The following KNL1 variants were observed in gnomAD, a reference collection of about 807,000 sequenced individuals.
The protein encoded by KNL1 is kinetochore scaffold 1.
In KNL1, 66 loss-of-function variants were observed where a neutral mutation model predicts 201.3. The ratio of observed to expected loss-of-function variants is 0.33; its 90% CI spans 0.27 to 0.40. The LOEUF is 0.40. Among genes scored for constraint, KNL1 ranks in the 10% least tolerant of loss-of-function variants. KNL1 has a pLI of 1.00. For missense variants in KNL1, 2,815 were observed against 2,690.5 expected, an observed-to-expected ratio of 1.05 and a Z score of -1.02; for synonymous variants, 895 against 899.2, an observed-to-expected ratio of 1.00 and a Z score of 0.08.
chr15:40,658,536 AAAAAAAAAAAG>A (rs1433111525), intron 24 of KNL1, among the ~76,000 whole-genome samples: 55 of 115,846 alleles, frequency 4.7e-4, no homozygotes, highest in Non-Finnish European at 8.3e-4. Flanking sequence ...TCAAAAAAAA[AAAAAAAAAAAG>A]AGAGAATCTG....
chr15:40,650,134 A>G (rs1460946233), intron 17 of KNL1, 167 bp from the exon 18 acceptor site: 10 of 521,288 alleles, frequency 1.9e-5, no homozygotes, highest in Admixed American at 1.8e-4. Context: ...AGAAAAAAAA[A>G]AAAAAATAGA....
intron 3 of KNL1, 126 bp downstream of exon 3, chr15:40,605,275 G>A: frequency 3.4e-6 from 2 of 588,414 alleles, no homozygotes; most frequent in Non-Finnish European, 6.2e-6. Flanking sequence ...TCTAGATAAA[G>A]ACTCAAATAT....
Position 40,622,588 on chromosome 15 carries a change from G to A in KNL1, c.2324G>A (p.Gly775Asp). 1 of 1,611,050 alleles carries A rather than the reference G, an allele frequency of 6.2e-7. No homozygotes were observed. Among genetic ancestry groups the A allele is most frequent in the South Asian group, 1.1e-5 (1 of 90,656 alleles). ...TKSHTVVIGF[G>D]PSELQELGKT... ...AGCCACACTGTCGTCATTGGATTTG[G>A]TCCTTCTGAACTACAAGAACTTGGT... Residue 775 changes from glycine to aspartate, a missense_variant, in exon 10 of 26, where the codon GGT becomes GAT. Around this residue, in one of 3 missense-constraint regions of KNL1, gnomAD observed 2,464 missense variants for 2,291.7 expected, o/e 1.08. Coordinates refer to ENST00000399668, the MANE Select transcript of KNL1 (RefSeq NM_144508.5).
chr15:40,647,322 A>G (rs549503396), intron 17 of KNL1, among the ~76,000 whole-genome samples: 1 of 152,072 alleles, frequency 6.6e-6, no homozygotes, highest in African/African-American at 2.4e-5. Flanking sequence ...TAAAAATTTT[A>G]AAATTAGCTG....
intron 1 of KNL1, among the ~76,000 whole-genome samples, chr15:40,601,193 C>T (rs575034607): frequency 2.0e-5 from 3 of 152,242 alleles, no homozygotes; most frequent in African/African-American, 4.8e-5. Context: ...TTGTGAACTG[C>T]GCACACGAGG....
chr15:40,623,159 A>G lies in KNL1; in HGVS notation c.2895A>G (p.Gln965=). The change falls in exon 10 of 26, where the codon CAA becomes CAG. Residue 965 remains glutamine (Q), a synonymous_variant. Coordinates refer to ENST00000399668, the MANE Select transcript of KNL1 (RefSeq NM_144508.5). The part of the protein sequence containing the change: ...TESHTVFIDY[Q]EKERTDRPNF... The stretch of plus-strand genomic sequence containing the variant: ...CCCATACTGTTTTCATTGACTACCA[A>G]GAAAAGGAAAGAACAGACAGACCTA... 6.2e-7 allele frequency: 1 copy of G among 1,613,994 alleles called. No homozygotes were observed. Among genetic ancestry groups the G allele is most frequent in the Non-Finnish European group, 8.5e-7 (1 of 1,179,912 alleles).
intron 3 of KNL1, 115 bp downstream of exon 3, chr15:40,605,264 C>A: frequency 1.6e-6 from 1 of 614,980 alleles, no homozygotes; most frequent in Non-Finnish European, 3.0e-6. Context: ...TCCTGTTGCT[C>A]TCTAGATAAA....
At chr15:40,609,084 A>G (rs1052906424) in intron 5 of KNL1, among the ~76,000 whole-genome samples, 176 bp downstream of exon 5, 16 of 152,124 alleles carry the variant, frequency 1.1e-4, no homozygotes, top group African/African-American at 3.9e-4. Flanking sequence ...AAAGTCAGGA[A>G]CAAAACAATG....
rs187564057 is a variant in KNL1 at position 40,606,565 on chromosome 15, A to G, written c.135+113A>G. On this transcript the variant is annotated intron_variant, in intron 4 of 25. Coordinates refer to ENST00000399668, the MANE Select transcript of KNL1 (RefSeq NM_144508.5). Reference sequence around the variant, plus strand: ...TGTGTAAGCATCCCATGAGTTTCCAAACACTTGAATATACTGGCATTCTTG... The same window carrying G: ...TGTGTAAGCATCCCATGAGTTTCCAGACACTTGAATATACTGGCATTCTTG... The G allele has an allele frequency of 1.3e-3, 808 of 626,072 alleles. 1 individual carries two copies. Among genetic ancestry groups the G allele is most frequent in the Non-Finnish European group, 1.2e-3 (394 of 340,024 alleles). 38.8% of individuals were successfully genotyped at this position (626,072 alleles called of 1,614,324 possible).
At chr15:40,635,340 C>T (rs563091077) in intron 13 of KNL1, among the ~76,000 whole-genome samples, 1 of 151,828 alleles carries the variant, frequency 6.6e-6, no homozygotes, top group African/African-American at 2.4e-5. Context: ...GCTTGAGCCA[C>T]CATGCCCGGC....
intron 22 of KNL1, 74 bp from the exon 23 acceptor site, chr15:40,656,968 A>C: frequency 1.6e-6 from 1 of 625,976 alleles, no homozygotes; most frequent in South Asian, 2.5e-5. Context: ...TATATAATAT[A>C]GTATTTTTCA....
Position 40,624,088 on chromosome 15 carries a change from G to A in KNL1, c.3824G>A (p.Cys1275Tyr), listed in dbSNP as rs776366481. The change falls in exon 10 of 26, where the codon TGT becomes TAT. Residue 1275 changes from cysteine to tyrosine, a missense_variant. Cys to Tyr is a radical substitution (Grantham distance 194). Coordinates refer to ENST00000399668, the MANE Select transcript of KNL1 (RefSeq NM_144508.5). ...TTGGAAAAAGCGCAAGTTGAAAGCT[G>A]TCAGTTAAATAATAGAGATAGAAGA... ...CTLEKAQVES[C>Y]QLNNRDRRNV... 4 of 1,613,962 alleles carry A rather than the reference G, an allele frequency of 2.5e-6. No homozygotes were observed. Among genetic ancestry groups the A allele is most frequent in the South Asian group, 1.1e-5 (1 of 91,088 alleles).
intron 24 of KNL1, 98 bp from the exon 25 acceptor site, chr15:40,659,241 G>A (rs547900730): frequency 1.9e-6 from 2 of 1,076,202 alleles, no homozygotes; most frequent in Admixed American, 4.8e-5. Context: ...TCCAGCCTGG[G>A]CGATAGAGCA....
chr15:40,651,559 C>G lies in KNL1; in HGVS notation c.6301C>G (p.Leu2101Val). 4 of 1,606,302 alleles carry G rather than the reference C, an allele frequency of 2.5e-6. No homozygotes were observed. The highest frequency in any genetic ancestry group is 3.4e-6 in the Non-Finnish European group (4 of 1,176,398). The change falls in exon 20 of 26, where the codon CTG (leucine) becomes GTG (valine). Residue 2101 changes from leucine to valine, a missense_variant. Leu to Val is a conservative substitution (Grantham distance 32). This residue lies in a region of KNL1 where 334 missense variants were observed against 362.6 expected (regional missense o/e 0.92). Transcript: ENST00000399668. ...QKQRNRTEEL[L>V]DQLSLSEWDV... ...ACAAAGAAATAGAACTGAAGAGCTA[C>G]TGGATCAGTTGAGGTAAGGAAATGC...
chr15:40,595,927 A>G (rs546353773), intron 1 of KNL1, among the ~76,000 whole-genome samples: 1 of 152,350 alleles, frequency 6.6e-6, no homozygotes, highest in African/African-American at 2.4e-5. Context: ...GCAAAGAGCC[A>G]GATAGTAAAT....
At chr15:40,658,685 C>CT (rs1893813926) in intron 24 of KNL1, among the ~76,000 whole-genome samples, 2 of 149,826 alleles carry the variant, frequency 1.3e-5, no homozygotes, top group Non-Finnish European at 3.0e-5. Flanking sequence ...AATCCCAACA[C>CT]TTTGGGAAGT....
In KNL1 at chr15:40,600,075, CTT is replaced by C. The variant is rs10706832; in HGVS notation, c.-17-2823_-17-2822del. Among the ~76,000 whole-genome samples the C allele has an allele frequency of 3.2e-3, 323 of 100,130 alleles. 1 individual carries two copies. The highest frequency in any genetic ancestry group is 3.6e-3 in the Non-Finnish European group (173 of 47,796). 65.7% of individuals were successfully genotyped at this position (100,130 alleles called of 152,430 possible). On this transcript the variant is annotated intron_variant, in intron 1 of 25. Transcript: ENST00000399668. ...TTTTGCTGATATTTATTTGGGATTC[CTT>C]TTTTTTTTTTTTTTTTGCAATGGAA...
intron 13 of KNL1, among the ~76,000 whole-genome samples, chr15:40,634,499 A>G (rs965306045): frequency 2.0e-5 from 3 of 152,252 alleles, no homozygotes; most frequent in African/African-American, 7.2e-5. Context: ...TTAGAAACAA[A>G]TCAATTACTG....
At chr15:40,658,576 AAAAG>A (rs1595951509) in intron 24 of KNL1, among the ~76,000 whole-genome samples, 1 of 147,622 alleles carries the variant, frequency 6.8e-6, no homozygotes, top group Non-Finnish European at 1.5e-5. Context: ...AAAAAAAAAA[AAAAG>A]AAAGAAAGAA....
Sources: allele counts gnomAD v4.1 joint callset (sites outside exome capture counted in the v4.1 genomes callset), GRCh38; gene constraint gnomAD v4.1.1; regional missense constraint gnomAD v4.1.1; transcripts MANE v1.5; gene names NCBI Gene and HGNC (gene_info 2026-07-23, HGNC 2026-07-21).